Variants in MYO5A observed in about 807,000 individuals in gnomAD.
MYO5A encodes the protein unconventional myosin-Va.
MYO5A carries 98 observed loss-of-function variants against 249.7 expected under a neutral mutation model. The ratio of observed to expected loss-of-function variants is 0.39; its 90% confidence interval spans 0.33 to 0.46. The LOEUF is 0.46. Ranked by LOEUF, MYO5A falls within the 20% of genes least tolerant of loss-of-function variation. The pLI, the probability that MYO5A is intolerant of heterozygous loss-of-function variation, is 0.98. For synonymous variants in MYO5A, 778 were observed against 810.6 expected, an observed-to-expected ratio of 0.96 and a Z score of 0.68; for missense variants, 1,696 against 2,308.8, an observed-to-expected ratio of 0.73 and a Z score of 5.44.
chr15:52,421,951 A>G (rs1257091202), intron 4 of MYO5A, among the ~76,000 whole-genome samples: 5 of 152,262 alleles, frequency 3.3e-5, no homozygotes, highest in Non-Finnish European at 7.3e-5. Context: ...AACTTAGTCA[A>G]TAAAACTGAT....
At chr15:52,324,041 C>CAAAAAAAAAAAAAAA in intron 36 of MYO5A, 1 of 59,176 alleles carries the variant, frequency 1.7e-5, no homozygotes, top group East Asian at 4.1e-4. Context: ...AAAAAAAAAT[C>CAAAAAAAAAAAAAAA]ACCCAGCTAC....
rs563691577 is a variant in MYO5A, at chr15:52,316,194, A to G, written c.5409+854T>C. ...GCTTGCAGTGAGTGGAGATCATACCACTGCACTCCAACCTGGGCGACACAG... is the reference window on the plus strand; with the variant it reads ...GCTTGCAGTGAGTGGAGATCATACCGCTGCACTCCAACCTGGGCGACACAG... On this transcript the variant is annotated intron_variant, in intron 40 of 41. Coordinates refer to ENST00000399233, the MANE Select transcript of MYO5A (RefSeq NM_001382347.1). Among the ~76,000 whole-genome samples the G allele has an allele frequency of 2.7e-3, 356 of 133,504 alleles. 3 individuals are homozygous for G. The highest frequency in any genetic ancestry group is 9.2e-3 in the African/African-American group (328 of 35,620). The allele number at this position is 133,504 out of a possible 152,430, so 87.6% of individuals were successfully genotyped here.
At chr15:52,511,959 C>T (rs750782317) in intron 1 of MYO5A, among the ~76,000 whole-genome samples, 3 of 151,846 alleles carry the variant, frequency 2.0e-5, no homozygotes, top group African/African-American at 7.3e-5. Flanking sequence ...GTCAGGAGAT[C>T]GAGACCATCC....
intron 1 of MYO5A, among the ~76,000 whole-genome samples, chr15:52,484,194 T>A (rs1453096907): frequency 6.6e-6 from 1 of 152,212 alleles, no homozygotes; most frequent in Admixed American, 6.5e-5. Context: ...TCTATGATAA[T>A]TGTAGCAAGT....
chr15:52,517,584 G>T (rs2077520343), intron 1 of MYO5A, among the ~76,000 whole-genome samples: 1 of 152,106 alleles, frequency 6.6e-6, no homozygotes, highest in African/African-American at 2.4e-5. Context: ...TACTCTGGGT[G>T]CCTGTAATCC....
chr15:52,389,550 G>GT (rs2042122651), intron 12 of MYO5A, among the ~76,000 whole-genome samples, 187 bp from the exon 13 acceptor site: 1 of 152,022 alleles, frequency 6.6e-6, no homozygotes, highest in African/African-American at 2.4e-5. Flanking sequence ...CTAATGAATA[G>GT]TATGACTGAG....
intron 31 of MYO5A, among the ~76,000 whole-genome samples, 176 bp downstream of exon 31, chr15:52,342,941 G>A (rs1396920787): frequency 1.3e-5 from 2 of 151,926 alleles, no homozygotes; most frequent in African/African-American, 4.8e-5. Context: ...AAAGGTGTTT[G>A]GCTGAATGTT....
intron 4 of MYO5A, among the ~76,000 whole-genome samples, chr15:52,423,003 G>A (rs148975239): frequency 1.3e-5 from 2 of 152,120 alleles, no homozygotes; most frequent in East Asian, 1.9e-4. Context: ...GCCTACAGAC[G>A]TGCGCCACCA....
At chr15:52,407,511 A>G in intron 7 of MYO5A, 112 bp from the exon 8 acceptor site, 1 of 581,940 alleles carries the variant, frequency 1.7e-6, no homozygotes, top group Admixed American at 2.7e-5. Context: ...TACAGCATCT[A>G]GAGTTTGACT....
intron 15 of MYO5A, among the ~76,000 whole-genome samples, 155 bp downstream of exon 15, chr15:52,384,006 A>G (rs2041871255): frequency 6.6e-6 from 1 of 152,196 alleles, no homozygotes; most frequent in African/African-American, 2.4e-5. Context: ...CTGGGTGGAG[A>G]AGAGTTTTAG....
At chr15:52,426,066 A>G (rs2075388152) in intron 3 of MYO5A, 92 bp from the exon 4 acceptor site, 2 of 1,076,742 alleles carry the variant, frequency 1.9e-6, no homozygotes, top group Non-Finnish European at 2.8e-6. Flanking sequence ...CACAGTTAAC[A>G]CAATCCTTCA....
In MYO5A at chr15:52,364,622, G is replaced by T. The variant is rs749202486; in HGVS notation, c.3241C>A (p.Leu1081Ile). ...TCCAGGCGACTGAACTCATTCAGAA[G>T]GTTCTGATATCTCAGCCTTTCATCA... ...LNDERLRYQN[L>I]LNEFSRLEER... The change falls in exon 24 of 42, where the codon CTT (leucine) becomes ATT (isoleucine). Residue 1081 changes from leucine (L) to isoleucine (I), a missense_variant. Leu to Ile is a conservative substitution (Grantham distance 5, BLOSUM62 2). This residue lies in a region of MYO5A where 412 missense variants were observed against 453.3 expected (regional missense o/e 0.91). Transcript: ENST00000399233. 6.2e-7 allele frequency: 1 copy of T among 1,613,834 alleles called. No homozygotes were observed. The highest frequency in any genetic ancestry group is 1.1e-5 in the South Asian group (1 of 91,068).
chr15:52,481,590 T>C (rs1260081660), intron 1 of MYO5A, among the ~76,000 whole-genome samples: 2 of 151,882 alleles, frequency 1.3e-5, no homozygotes, highest in East Asian at 3.9e-4. Context: ...CAAAGAAAAA[T>C]AGAGTACATG....
chr15:52,450,012 AT>A (rs1342145182), intron 1 of MYO5A, among the ~76,000 whole-genome samples: 1 of 152,102 alleles, frequency 6.6e-6, no homozygotes, highest in Non-Finnish European at 1.5e-5. Flanking sequence ...CAAAAAAAAA[AT>A]TGAATTCAGG....
chr15:52,482,792 G>A (rs1345726470), intron 1 of MYO5A, among the ~76,000 whole-genome samples: 1 of 152,086 alleles, frequency 6.6e-6, no homozygotes, highest in Non-Finnish European at 1.5e-5. Flanking sequence ...GGAGCCTGAG[G>A]CCCAGATTCC....
chr15:52,347,001 G>C (rs764746252), intron 29 of MYO5A, among the ~76,000 whole-genome samples: 1 of 151,584 alleles, frequency 6.6e-6, no homozygotes, highest in African/African-American at 2.4e-5. Flanking sequence ...GCAAAATTAA[G>C]TTTTTTTTCT....
chr15:52,469,844 A>G (rs897169429), intron 1 of MYO5A, among the ~76,000 whole-genome samples: 2 of 152,184 alleles, frequency 1.3e-5, no homozygotes, highest in Non-Finnish European at 2.9e-5. Flanking sequence ...TGGTTCAGAT[A>G]TACTCATCTC....
chr15:52,436,666 C>T (rs2075670392), intron 1 of MYO5A, among the ~76,000 whole-genome samples: 1 of 152,176 alleles, frequency 6.6e-6, no homozygotes, highest in South Asian at 2.1e-4. Flanking sequence ...TGTTGTTCAA[C>T]ACAGCAGGCA....
At chr15:52,513,535 C>T (rs2077438158) in intron 1 of MYO5A, among the ~76,000 whole-genome samples, 1 of 150,846 alleles carries the variant, frequency 6.6e-6, no homozygotes, top group Non-Finnish European at 1.5e-5. Context: ...AGCGATTCTC[C>T]TGACTCAGCG....
Sources: allele counts gnomAD v4.1 joint callset (sites outside exome capture counted in the v4.1 genomes callset), GRCh38; gene constraint gnomAD v4.1.1; regional missense constraint gnomAD v4.1.1; transcripts MANE v1.5; gene names NCBI Gene and HGNC (gene_info 2026-07-23, HGNC 2026-07-21).